TLE7: variants seen among roughly 807,000 people sequenced by gnomAD.
The protein encoded by TLE7 is TLE family member 7.
At chr16:71,436,969 C>A (rs2042828677) in intron 1 of TLE7, among the ~76,000 whole-genome samples, 1 of 152,210 alleles carries the variant, frequency 6.6e-6, no homozygotes, top group Non-Finnish European at 1.5e-5. Context: ...CACCTGTAAT[C>A]CCAGCACTTG....
At chr16:71,437,319 A>T (rs1053503071) in intron 1 of TLE7, among the ~76,000 whole-genome samples, 2 of 143,922 alleles carry the variant, frequency 1.4e-5, no homozygotes, top group African/African-American at 5.1e-5. Flanking sequence ...ACTGCATTCC[A>T]GCCTGAGTGA....
intron 1 of TLE7, among the ~76,000 whole-genome samples, chr16:71,434,806 A>T (rs965197817): frequency 6.6e-6 from 1 of 152,162 alleles, no homozygotes; most frequent in Non-Finnish European, 1.5e-5. Context: ...TCCCTATTAG[A>T]AGGAAGGCAA....
chr16:71,441,539 C>G (rs1234402858), intron 1 of TLE7, among the ~76,000 whole-genome samples: 1 of 152,252 alleles, frequency 6.6e-6, no homozygotes, highest in South Asian at 2.1e-4. Flanking sequence ...GGGTCCAGCC[C>G]TCGCTTGGCC....
intron 1 of TLE7, among the ~76,000 whole-genome samples, chr16:71,434,659 A>G (rs899388354): frequency 6.6e-6 from 1 of 152,142 alleles, no homozygotes; most frequent in African/African-American, 2.4e-5. Context: ...TATGCTCACA[A>G]CTATATGGGC....
At chr16:71,433,993 A>G (rs1009711257) in intron 1 of TLE7, among the ~76,000 whole-genome samples, 1 of 152,176 alleles carries the variant, frequency 6.6e-6, no homozygotes, top group Non-Finnish European at 1.5e-5. Context: ...CTGGCTGTAC[A>G]TATTTCAAAT....
chr16:71,433,878 A>G (rs879922555), intron 1 of TLE7, among the ~76,000 whole-genome samples: 3 of 152,186 alleles, frequency 2.0e-5, no homozygotes, highest in Non-Finnish European at 2.9e-5. Flanking sequence ...GAATCACTTG[A>G]ACAGAGGAGG....
chr16:71,435,310 C>T (rs2042821995), intron 1 of TLE7, among the ~76,000 whole-genome samples: 1 of 152,106 alleles, frequency 6.6e-6, no homozygotes, highest in Admixed American at 6.5e-5. Context: ...ACTCAGGAGG[C>T]TGAGGCAGGA....
At chr16:71,435,459 A>G (rs560718114) in intron 1 of TLE7, among the ~76,000 whole-genome samples, 1 of 152,336 alleles carries the variant, frequency 6.6e-6, no homozygotes, top group African/African-American at 2.4e-5. Context: ...GGATGCATAC[A>G]TTGATATGGA....
rs954515365 is a variant in TLE7 at position 71,430,725 on chromosome 16, G to A, written c.1164C>T (p.Thr388=). The change falls in exon 9 of 10, where the codon ACC becomes ACT. Residue 388 remains threonine (T), a synonymous_variant. Coordinates refer to ENST00000561754, the MANE Select transcript of TLE7 (RefSeq NM_001367365.2). ...KFASCGSYFV[T]AIDTRLSGLE... ...AGCCACTGAGGCGCGTATCTATCGC[G>A]GTCACAAAATAGCTCCCTGGTGAAG... 9 of 398,468 alleles carry A rather than the reference G, an allele frequency of 2.3e-5. No individual in the cohort carries two copies. The highest frequency in any genetic ancestry group is 1.3e-4 in the South Asian group (1 of 7,828). The allele number at this position is 398,468 out of a possible 1,614,324, so 24.7% of individuals were successfully genotyped here.
intron 1 of TLE7, among the ~76,000 whole-genome samples, chr16:71,438,424 C>CAAA (rs11383356): frequency 0.071 from 5,829 of 82,640 alleles, 366 homozygotes; most frequent in Middle Eastern, 0.098. Context: ...GACTCCATCT[C>CAAA]AAAAAAAAAA....
intron 4 of TLE7, among the ~76,000 whole-genome samples, 163 bp from the exon 5 acceptor site, chr16:71,432,488 C>G (rs2042809716): frequency 6.6e-6 from 1 of 152,208 alleles, no homozygotes; most frequent in Non-Finnish European, 1.5e-5. Flanking sequence ...AGAAATGACA[C>G]TGTGAGCTGA....
At position 71,432,883 on chromosome 16, in the gene TLE7, C is replaced by G. The variant is rs1437509339; in HGVS notation, c.321G>C (p.Leu107=). 5.0e-6 allele frequency: 2 copies of G among 398,842 alleles called. No homozygotes were observed. The highest frequency in any genetic ancestry group is 8.8e-6 in the Non-Finnish European group (2 of 226,262). 24.7% of individuals were successfully genotyped at this position (398,842 alleles called of 1,614,324 possible). ...ACTGGTACTCACCAACCTCAGAACCCAGTAGGAAGCTACAACACATGGAGA... is the reference window on the plus strand; with the variant it reads ...ACTGGTACTCACCAACCTCAGAACCGAGTAGGAAGCTACAACACATGGAGA... ...EAAESSPSFL[L]GSEVGQPYSS... is the part of the protein sequence containing the mutation. Residue 107 remains leucine, a synonymous_variant, in exon 3 of 10, where the codon CTG becomes CTC. Coordinates refer to ENST00000561754, the MANE Select transcript of TLE7 (RefSeq NM_001367365.2).
intron 1 of TLE7, among the ~76,000 whole-genome samples, chr16:71,434,396 C>T (rs2042818476): frequency 6.6e-6 from 1 of 152,106 alleles, no homozygotes; most frequent in African/African-American, 2.4e-5. Context: ...CTGGAGAGAC[C>T]CAGGGTTCTA....
intron 1 of TLE7, among the ~76,000 whole-genome samples, chr16:71,440,442 C>A (rs2042842731): frequency 6.6e-6 from 1 of 152,064 alleles, no homozygotes; most frequent in African/African-American, 2.4e-5. Context: ...CGGGCGACTG[C>A]ACTCCAGCCT....
At chr16:71,439,061 C>T (rs960176510) in intron 1 of TLE7, among the ~76,000 whole-genome samples, 4 of 152,214 alleles carry the variant, frequency 2.6e-5, no homozygotes, top group African/African-American at 7.2e-5. Flanking sequence ...TACTGACCCC[C>T]GCTGTGCTGG....
intron 1 of TLE7, among the ~76,000 whole-genome samples, chr16:71,440,099 C>A (rs2042841280): frequency 6.6e-6 from 1 of 152,216 alleles, no homozygotes; most frequent in Admixed American, 6.5e-5. Flanking sequence ...AAGCCAGACA[C>A]AAAAGGCCAA....
intron 1 of TLE7, among the ~76,000 whole-genome samples, chr16:71,439,870 A>C (rs570436231): frequency 7.2e-5 from 11 of 152,334 alleles, no homozygotes; most frequent in African/African-American, 2.6e-4. Context: ...TATGCCCCCA[A>C]AAATGGAAAA....
chr16:71,431,043 G>T lies in TLE7; in HGVS notation c.1147+78C>A, dbSNP rs2042800603. 2 of 400,276 alleles carry T rather than the reference G, an allele frequency of 5.0e-6. No homozygotes were observed. The highest frequency in any genetic ancestry group is 8.8e-6 in the Non-Finnish European group (2 of 226,236). The allele number at this position is 400,276 out of a possible 1,614,324, so 24.8% of individuals were successfully genotyped here. A position where few individuals can be genotyped will look rare whatever the true frequency, so the allele number is the denominator to read the frequency against. ...TACGGAGGGAGCCAGAAAAGGAAAGGGGGGTGAACAGAGAAAGAAGAGACG... is the reference window on the plus strand; with the variant it reads ...TACGGAGGGAGCCAGAAAAGGAAAGTGGGGTGAACAGAGAAAGAAGAGACG... On this transcript the variant is annotated intron_variant, in intron 8 of 9. Coordinates refer to ENST00000561754, the MANE Select transcript of TLE7 (RefSeq NM_001367365.2). The surrounding 1 kb of genome is among the most constrained non-coding windows in gnomAD (Gnocchi z 4.5).
intron 1 of TLE7, among the ~76,000 whole-genome samples, chr16:71,435,501 A>T (rs1250705428): frequency 1.3e-5 from 2 of 152,224 alleles, no homozygotes; most frequent in Non-Finnish European, 2.9e-5. Flanking sequence ...AGTGGGTGAA[A>T]ACTGCAATGT....
Sources: allele counts gnomAD v4.1 joint callset (sites outside exome capture counted in the v4.1 genomes callset), GRCh38; gene constraint gnomAD v4.1.1; non-coding constraint Gnocchi (gnomAD v3.1); transcripts MANE v1.5; gene names NCBI Gene and HGNC (gene_info 2026-07-23, HGNC 2026-07-21).